The following SAXO1 variants were observed in gnomAD, a reference collection of about 807,000 sequenced individuals.
SAXO1 encodes 4930500O09Rik.
A neutral mutation model predicts 17.5 loss-of-function variants in SAXO1; 21 were observed. The ratio of observed to expected loss-of-function variants is 1.20; its 90% confidence interval spans 0.85 to 1.72. The LOEUF (loss-of-function observed/expected upper bound fraction) is 1.72. Among genes scored for constraint, SAXO1 ranks in the 40% most tolerant of loss-of-function variants. The probability of loss-of-function intolerance (pLI) is 0.00; values close to 1 mark genes in which losing one functional copy is unlikely to be tolerated. For synonymous variants in SAXO1, 274 were observed against 216.5 expected (o/e 1.27, Z -2.33); for missense variants, 843 against 596.0 (o/e 1.41, Z -4.32).
At chr9:19,027,651 C>A (rs1835552640) in intron 1 of SAXO1, 4 of 1,391,742 alleles carry the variant, frequency 2.9e-6, no homozygotes, top group Non-Finnish European at 4.1e-6. Flanking sequence ...GATGCCTTCG[C>A]CCTGGCCAAG....
Position 19,027,314 on chromosome 9 carries a change from C to T in SAXO1, c.38+5557G>A, listed in dbSNP as rs147787750. On this transcript the variant is annotated intron_variant, in intron 1 of 3. Coordinates refer to ENST00000380534, the MANE Select transcript of SAXO1 (RefSeq NM_153707.4). ...ACCTGGTGGGTGTGAACAAAGACTC[C>T]TATCCAATCCTGGAGACACTGCCCA... is the stretch of plus-strand genomic sequence containing the variant. The T allele has an allele frequency of 3.2e-3, 2,604 of 814,196 alleles. 39 individuals are homozygous for T. The African/African-American group carries it at 0.039, about 12-fold the overall frequency. The allele number at this position is 814,196 out of a possible 1,614,324, so 50.4% of individuals were successfully genotyped here.
At chr9:18,977,238 T>C (rs1221575038) in intron 1 of SAXO1, among the ~76,000 whole-genome samples, 2 of 152,224 alleles carry the variant, frequency 1.3e-5, no homozygotes, top group Admixed American at 1.3e-4. Context: ...AACTGAAAAC[T>C]GTGGTTCATA....
intron 2 of SAXO1, among the ~76,000 whole-genome samples, chr9:18,946,688 C>A (rs146969246): frequency 4.0e-5 from 6 of 151,778 alleles, no homozygotes; most frequent in Non-Finnish European, 7.4e-5. Context: ...CCAAGCAGAC[C>A]AGACATTGGA....
At chr9:19,014,290 A>G (rs111498303) in intron 1 of SAXO1, among the ~76,000 whole-genome samples, 1,745 of 151,812 alleles carry the variant, frequency 0.011, 24 homozygotes, top group African/African-American at 0.04. Context: ...GAGAAACCCT[A>G]TCTCTACTGA....
intron 3 of SAXO1, among the ~76,000 whole-genome samples, chr9:18,933,179 T>C (rs1215453459): frequency 1.3e-5 from 2 of 152,228 alleles, no homozygotes; most frequent in Non-Finnish European, 2.9e-5. Flanking sequence ...TTTTTGTGAA[T>C]GCCCTTTATC....
At chr9:18,945,379 C>T (rs1831748735) in intron 2 of SAXO1, among the ~76,000 whole-genome samples, 1 of 152,228 alleles carries the variant, frequency 6.6e-6, no homozygotes, top group Admixed American at 6.5e-5. Context: ...TACCACTCCT[C>T]ATGATCTTTT....
chr9:18,949,399 C>A (rs1477203808), intron 2 of SAXO1, among the ~76,000 whole-genome samples: 1 of 152,086 alleles, frequency 6.6e-6, no homozygotes, highest in African/African-American at 2.4e-5. Context: ...CGAGGCTGCA[C>A]TGAGCGATGA....
intron 1 of SAXO1, among the ~76,000 whole-genome samples, chr9:18,992,270 G>C (rs978992930): frequency 1.3e-5 from 2 of 152,200 alleles, no homozygotes; most frequent in Non-Finnish European, 2.9e-5. Flanking sequence ...GTTCCTGTGA[G>C]TGCTGTGGGT....
chr9:18,939,798 G>A (rs73648805), intron 3 of SAXO1, among the ~76,000 whole-genome samples: 14,185 of 152,150 alleles, frequency 0.093, 1,021 homozygotes, highest in African/African-American at 0.2. Context: ...TGATTTTATC[G>A]TTTGATAAAA....
Position 18,928,294 on chromosome 9 carries a change from C to CA in SAXO1, c.1182dup (p.Gly395TrpfsTer32). The CA allele has an allele frequency of 6.2e-7, 1 of 1,612,858 alleles. No individual in the cohort carries two copies. The highest frequency in any genetic ancestry group is 8.5e-7 in the Non-Finnish European group (1 of 1,179,186). ...TCCACAGGGACATTTCCTCGAGGGC[C>CA]AGACCAATGAGGCTTACAGCTTTTG... On this transcript the variant is annotated frameshift_variant, in exon 4 of 4. Transcript: ENST00000380534. LOFTEE classifies it high-confidence loss of function.
At position 18,984,247 on chromosome 9, in the gene SAXO1, A is replaced by G. The variant is rs1044740817; in HGVS notation, c.39-33310T>C. On this transcript the variant is annotated intron_variant, in intron 1 of 3. Coordinates refer to ENST00000380534, the MANE Select transcript of SAXO1 (RefSeq NM_153707.4). ...CAGAGTAGATTTTGCATACTTCTTA[A>G]GGGTCCTAGGATTTTCAGAATGGTA... Among the ~76,000 whole-genome samples, 4 of 152,300 alleles carry G rather than the reference A, an allele frequency of 2.6e-5. No individual in the cohort carries two copies. In the East Asian group the frequency reaches 7.7e-4, roughly 29 times the overall value.
At chr9:18,966,487 G>A (rs1414807033) in intron 1 of SAXO1, among the ~76,000 whole-genome samples, 1 of 151,856 alleles carries the variant, frequency 6.6e-6, no homozygotes, top group East Asian at 1.9e-4. Flanking sequence ...ATTTCATTAA[G>A]TTGATCTTCA....
intron 1 of SAXO1, among the ~76,000 whole-genome samples, chr9:18,976,367 T>C (rs1192009259): frequency 6.6e-6 from 1 of 152,192 alleles, no homozygotes; most frequent in African/African-American, 2.4e-5. Context: ...GAGAGAGCTC[T>C]TGCTACAAGC....
At chr9:19,028,093 G>A (rs1835584585) in intron 1 of SAXO1, 1 of 1,611,948 alleles carries the variant, frequency 6.2e-7, no homozygotes, top group Non-Finnish European at 8.5e-7. Flanking sequence ...CATCCTGGAG[G>A]TCCAGGCCAA....
intron 1 of SAXO1, among the ~76,000 whole-genome samples, chr9:19,042,057 T>G (rs764010481): frequency 2.0e-5 from 3 of 152,104 alleles, no homozygotes; most frequent in African/African-American, 7.2e-5. Context: ...GATAAAAAAT[T>G]AATCAGAATA....
At chr9:18,950,492 T>C (rs930486285) in intron 2 of SAXO1, among the ~76,000 whole-genome samples, 2 of 152,180 alleles carry the variant, frequency 1.3e-5, no homozygotes, top group African/African-American at 2.4e-5. Context: ...TCCTATATTA[T>C]ATAGATTAAT....
chr9:18,998,767 C>G (rs576206169), intron 1 of SAXO1, among the ~76,000 whole-genome samples: 6 of 152,342 alleles, frequency 3.9e-5, no homozygotes, highest in South Asian at 2.1e-4. Flanking sequence ...GCAGATATCT[C>G]TGCAGAAACC....
intron 3 of SAXO1, among the ~76,000 whole-genome samples, chr9:18,930,160 A>G (rs1470272024): frequency 6.6e-6 from 1 of 152,250 alleles, no homozygotes; most frequent in Non-Finnish European, 1.5e-5. Context: ...TAAAGGTTAA[A>G]GAAAAAAATA....
intron 2 of SAXO1, among the ~76,000 whole-genome samples, chr9:18,945,762 A>C (rs2131714031): frequency 6.6e-6 from 1 of 152,284 alleles, no homozygotes; most frequent in East Asian, 1.9e-4. Flanking sequence ...TATAAACCCT[A>C]GGCAAACTAT....
Sources: gnomAD v4.1 joint callset for allele counts (sites outside exome capture counted in the v4.1 genomes callset) on GRCh38, gnomAD v4.1.1 for gene constraint, MANE v1.5 for transcripts, NCBI Gene and HGNC (gene_info 2026-07-23, HGNC 2026-07-21) for gene names.